Variants in CNP observed in about 807,000 individuals in gnomAD.
CNP encodes the protein 2',3'-cyclic nucleotide 3' phosphodiesterase, also known as 2',3'-cyclic-nucleotide 3'-phosphodiesterase.
Under a neutral mutation model 37.9 loss-of-function variants are expected in CNP, and 8 were observed. The ratio of observed to expected loss-of-function variants is 0.21; its 90% CI spans 0.12 to 0.38. CNP has a LOEUF of 0.38. Ranked by LOEUF, CNP falls within the 10% of genes least tolerant of loss-of-function variation. The pLI, the probability that CNP is intolerant of heterozygous loss-of-function variation, is 1.00. For missense variants in CNP, 457 were observed against 551.0 expected, an observed-to-expected ratio of 0.83 and a Z score of 1.71; for synonymous variants, 237 against 238.3, an observed-to-expected ratio of 0.99 and a Z score of 0.05.
rs1555644268 is a variant in CNP at position 41,973,892 on chromosome 17, G to T, written c.1234G>T (p.Gly412Trp). The T allele has an allele frequency of 6.4e-7, 1 of 1,562,096 alleles. No homozygotes were observed. The highest frequency in any genetic ancestry group is 8.7e-7 in the Non-Finnish European group (1 of 1,152,404). ...TGTGCCCACGCAAGGTAGCCGGAAG[G>T]GGGGCGCCTTGCAGTCCTGCACCAT... ...KPVPTQGSRKGGALQSCTII is the reference protein window; with the variant it reads ...KPVPTQGSRKWGALQSCTII Residue 412 changes from glycine to tryptophan, a missense_variant, in exon 4 of 4, where the codon GGG becomes TGG. This residue lies in a region of CNP where 291 missense variants were observed against 291.7 expected (regional missense o/e 1.00). Transcript: ENST00000393892.
rs1191563253 is a variant in CNP at position 41,973,416 on chromosome 17, A to G, written c.817-59A>G. ...CTCCAGGAGGGACCCTCCCTGGGTC[A>G]GCTGTTCCTCAAGAGCCTGCCATCT... On this transcript the variant is annotated intron_variant, in intron 3 of 3. Transcript: ENST00000393892. The G allele has an allele frequency of 7.6e-5, 116 of 1,516,368 alleles. 1 individual carries two copies. Among genetic ancestry groups the G allele is most frequent in the Non-Finnish European group, 8.8e-5 (98 of 1,109,770 alleles). 93.9% of individuals were successfully genotyped at this position (1,516,368 alleles called of 1,614,324 possible). A position where few individuals can be genotyped will look rare whatever the true frequency, so the allele number is the denominator to read the frequency against.
Position 41,974,002 on chromosome 17 carries a change from A to G in CNP, c.*78A>G. 5 of 1,072,118 alleles carry G rather than the reference A, an allele frequency of 4.7e-6. No individual in the cohort carries two copies. The highest frequency in any genetic ancestry group is 3.9e-5 in the Admixed American group (1 of 25,726). The allele number at this position is 1,072,118 out of a possible 1,614,324, so 66.4% of individuals were successfully genotyped here. Reference sequence around the variant, plus strand: ...CCCTCTGTTTGATCCTTGTTTTGTGACATTTTTTTTTTTTTTTTTTTTACT... The same window carrying G: ...CCCTCTGTTTGATCCTTGTTTTGTGGCATTTTTTTTTTTTTTTTTTTTACT... On this transcript the variant is annotated 3_prime_UTR_variant, in exon 4 of 4. Coordinates refer to ENST00000393892, the MANE Select transcript of CNP (RefSeq NM_033133.5).
intron 3 of CNP, 96 bp from the exon 4 acceptor site, chr17:41,973,379 T>G: frequency 1.7e-6 from 2 of 1,177,460 alleles, no homozygotes; most frequent in Non-Finnish European, 1.2e-6. Context: ...CTGTTAGACT[T>G]CCCCTTCTCT....
intron 3 of CNP, 118 bp from the exon 4 acceptor site, chr17:41,973,357 C>T: frequency 1.0e-6 from 1 of 954,790 alleles, no homozygotes. Context: ...CCCTGCTCAG[C>T]TGTGCTCACT....
chr17:41,976,390 T>A lies in CNP; in HGVS notation c.*2466T>A. The A allele has an allele frequency of 3.7e-6, 1 of 270,380 alleles. No individual in the cohort carries two copies. Among genetic ancestry groups the A allele is most frequent in the Non-Finnish European group, 7.0e-6 (1 of 143,386 alleles). The allele number at this position is 270,380 out of a possible 1,614,324, so 16.7% of individuals were successfully genotyped here. A position where few individuals can be genotyped will look rare whatever the true frequency, so the allele number is the denominator to read the frequency against. On this transcript the variant is annotated 3_prime_UTR_variant, in exon 4 of 4. Coordinates refer to ENST00000393892, the MANE Select transcript of CNP (RefSeq NM_033133.5). Reference sequence around the variant, plus strand: ...ACCCCAAGTCCAGGTCGGGCTCAGCTCTGGCTCACAGACTGGAGACAATGC... The same window carrying A: ...ACCCCAAGTCCAGGTCGGGCTCAGCACTGGCTCACAGACTGGAGACAATGC...
chr17:41,969,952 G>A (rs1295442337), intron 2 of CNP, among the ~76,000 whole-genome samples: 1 of 152,226 alleles, frequency 6.6e-6, no homozygotes, highest in South Asian at 2.1e-4. Flanking sequence ...ATTTGTGCCT[G>A]TATGGGTTCT....
intron 2 of CNP, among the ~76,000 whole-genome samples, chr17:41,969,807 TGGCC>T (rs2050958838): frequency 6.6e-6 from 1 of 152,156 alleles, no homozygotes; most frequent in Non-Finnish European, 1.5e-5. Flanking sequence ...CCGCTTGCCT[TGGCC>T]TCCCAAAGTG....
chr17:41,967,894 C>G, intron 1 of CNP, 174 bp from the exon 2 acceptor site: 1 of 1,433,058 alleles, frequency 7.0e-7, no homozygotes, highest in South Asian at 1.5e-5. Context: ...AGACAAGCTT[C>G]CCTCTTCCTC....
In CNP at chr17:41,976,461, C is replaced by CTT. The variant is rs71705091; in HGVS notation, c.*2546_*2547dup. Reference sequence around the variant, plus strand: ...AGGAAGGGTCAAAACATTTTATTCTCTTTTTTTTTTCTTTTTTAATAAAGT... The same window carrying CTT: ...AGGAAGGGTCAAAACATTTTATTCTCTTTTTTTTTTTTCTTTTTTAATAAAGT... On this transcript the variant is annotated 3_prime_UTR_variant, in exon 4 of 4. Coordinates refer to ENST00000393892, the MANE Select transcript of CNP (RefSeq NM_033133.5). 0.063 allele frequency: 20,150 copies of CTT among 320,996 alleles called. 6 individuals carry two copies. The highest frequency in any genetic ancestry group is 0.093 in the East Asian group (1,275 of 13,714). The allele number at this position is 320,996 out of a possible 1,614,324, so 19.9% of individuals were successfully genotyped here.
chr17:41,966,815 C>T lies in CNP; in HGVS notation c.-70C>T, dbSNP rs2050901718. ...GTGCCACCGCTGGACTCCCGTGTCC[C>T]TCCGCGCAGGCGGGCGGCCCCGGAG... On this transcript the variant is annotated 5_prime_UTR_variant, in exon 1 of 4. Transcript: ENST00000393892. The T allele has an allele frequency of 2.9e-6, 4 of 1,386,192 alleles. No homozygotes were observed. Among genetic ancestry groups the T allele is most frequent in the South Asian group, 1.6e-5 (1 of 64,314 alleles). The allele number at this position is 1,386,192 out of a possible 1,614,324, so 85.9% of individuals were successfully genotyped here.
intron 2 of CNP, chr17:41,970,776 C>A (rs1325974626): frequency 1.3e-5 from 2 of 152,204 alleles, no homozygotes; most frequent in African/African-American, 4.8e-5. Context: ...AGAGGCCTTC[C>A]TCCCCTGTGG....
chr17:41,974,157 T>C lies in CNP; in HGVS notation c.*233T>C, dbSNP rs1484349092. On this transcript the variant is annotated 3_prime_UTR_variant, in exon 4 of 4. Coordinates refer to ENST00000393892, the MANE Select transcript of CNP (RefSeq NM_033133.5). Reference sequence around the variant, plus strand: ...GGCAGGGAGGCACCATTCAGGAACCTGGACCAAAGCTGACGAGGCTGGGCC... The same window carrying C: ...GGCAGGGAGGCACCATTCAGGAACCCGGACCAAAGCTGACGAGGCTGGGCC... 3 of 364,520 alleles carry C rather than the reference T, an allele frequency of 8.2e-6. No individual in the cohort carries two copies. Among genetic ancestry groups the C allele is most frequent in the African/African-American group, 2.1e-5 (1 of 47,828 alleles). 22.6% of individuals were successfully genotyped at this position (364,520 alleles called of 1,614,324 possible). A position where few individuals can be genotyped will look rare whatever the true frequency, so the allele number is the denominator to read the frequency against.
intron 1 of CNP, 52 bp downstream of exon 1, chr17:41,966,939 G>A: frequency 7.8e-7 from 1 of 1,289,764 alleles, no homozygotes. Flanking sequence ...CGGGAAACGA[G>A]TGTCGGGGCC....
intron 1 of CNP, chr17:41,967,677 T>C: frequency 9.8e-7 from 1 of 1,025,536 alleles, no homozygotes; most frequent in Non-Finnish European, 1.2e-6. Context: ...ACTCCCCCCC[T>C]TCTCTGTGCA....
rs782771397 is a variant in CNP, at chr17:41,968,140, G to A, written c.76G>A (p.Ala26Thr). ...CTTCCGCAAGATGTCATCCTCAGGGGCCAAGGACAAGCCTGAGCTGCAGTT... is the reference window on the plus strand; with the variant it reads ...CTTCCGCAAGATGTCATCCTCAGGGACCAAGGACAAGCCTGAGCTGCAGTT... ...IFFRKMSSSGAKDKPELQFPF... is the reference protein window; with the variant it reads ...IFFRKMSSSGTKDKPELQFPF... The change falls in exon 2 of 4, where the codon GCC becomes ACC. Residue 26 changes from alanine to threonine, a missense_variant. Coordinates refer to ENST00000393892, the MANE Select transcript of CNP (RefSeq NM_033133.5). The surrounding 1 kb of genome is among the most constrained non-coding windows in gnomAD (Gnocchi z 4.8). 1.2e-6 allele frequency: 2 copies of A among 1,614,234 alleles called. No homozygotes were observed. Among genetic ancestry groups the A allele is most frequent in the South Asian group, 1.1e-5 (1 of 91,086 alleles).
In CNP at chr17:41,975,536, TC is replaced by T. The variant is rs1555644604; in HGVS notation, c.*1613del. 1.3e-5 allele frequency: 2 copies of T among 152,254 alleles called. No homozygotes were observed. The highest frequency in any genetic ancestry group is 4.8e-5 in the African/African-American group (2 of 41,426). 9.4% of individuals were successfully genotyped at this position (152,254 alleles called of 1,614,324 possible). A position where few individuals can be genotyped will look rare whatever the true frequency, so the allele number is the denominator to read the frequency against. On this transcript the variant is annotated 3_prime_UTR_variant, in exon 4 of 4. Transcript: ENST00000393892. ...TCCTGGTATGGGTTTCTCCCAGTTC[TC>T]TAGGGAAGGCCACCTGCAGGTCACT...
In CNP at chr17:41,977,130, A is replaced by G; in HGVS notation, c.*3206A>G. On this transcript the variant is annotated 3_prime_UTR_variant, in exon 4 of 4. Coordinates refer to ENST00000393892, the MANE Select transcript of CNP (RefSeq NM_033133.5). Reference sequence around the variant, plus strand: ...CATCCTTAGCAACAGCCGAGTGGATAGATGCCCTGCTAGATGAGAATTCAG... The same window carrying G: ...CATCCTTAGCAACAGCCGAGTGGATGGATGCCCTGCTAGATGAGAATTCAG... 1.1e-6 allele frequency: 1 copy of G among 929,562 alleles called. No homozygotes were observed. The highest frequency in any genetic ancestry group is 1.6e-6 in the Non-Finnish European group (1 of 609,592). The allele number at this position is 929,562 out of a possible 1,614,324, so 57.6% of individuals were successfully genotyped here. A position where few individuals can be genotyped will look rare whatever the true frequency, so the allele number is the denominator to read the frequency against.
chr17:41,972,220 C>G (rs2051001058), intron 3 of CNP, among the ~76,000 whole-genome samples, 189 bp downstream of exon 3: 1 of 151,932 alleles, frequency 6.6e-6, no homozygotes, highest in Non-Finnish European at 1.5e-5. Flanking sequence ...GCCGCAGGTT[C>G]TAAGGAGCCT....
Position 41,966,811 on chromosome 17 carries a change from G to C in CNP, c.-74G>C. On this transcript the variant is annotated 5_prime_UTR_variant, in exon 1 of 4. Transcript: ENST00000393892. ...GGTCGTGCCACCGCTGGACTCCCGT[G>C]TCCCTCCGCGCAGGCGGGCGGCCCC... 1 of 1,383,004 alleles carries C rather than the reference G, an allele frequency of 7.2e-7. No homozygotes were observed. Among genetic ancestry groups the C allele is most frequent in the Non-Finnish European group, 9.4e-7 (1 of 1,069,158 alleles). The allele number at this position is 1,383,004 out of a possible 1,614,324, so 85.7% of individuals were successfully genotyped here.
Sources: gnomAD v4.1 joint callset for allele counts (sites outside exome capture counted in the v4.1 genomes callset) on GRCh38, gnomAD v4.1.1 for gene constraint, gnomAD v4.1.1 regional missense constraint, Gnocchi (gnomAD v3.1) non-coding constraint, MANE v1.5 for transcripts, NCBI Gene and HGNC (gene_info 2026-07-23, HGNC 2026-07-21) for gene names.